Variants in CNTNAP2 observed in about 807,000 individuals in gnomAD.
CNTNAP2 encodes the protein contactin-associated protein-like 2.
Under a neutral mutation model 155.2 loss-of-function variants are expected in CNTNAP2, and 98 were observed. The ratio of observed to expected loss-of-function variants is 0.63; its 90% CI spans 0.54 to 0.75. The LOEUF (loss-of-function observed/expected upper bound fraction) is 0.75. Among genes scored for constraint, CNTNAP2 ranks in the 30% least tolerant of loss-of-function variants. The pLI is 0.00. For missense variants in CNTNAP2, 1,727 were observed against 1,688.1 expected (o/e 1.02, Z -0.40); for synonymous variants, 651 against 631.2 (o/e 1.03, Z -0.47).
chr7:147,885,779 G>A (rs188039007), intron 13 of CNTNAP2, among the ~76,000 whole-genome samples: 4 of 152,206 alleles, frequency 2.6e-5, no homozygotes, highest in African/African-American at 7.2e-5. Context: ...AACACTCACC[G>A]CTCGTTTACC....
chr7:146,461,414 A>T (rs1563092963), intron 1 of CNTNAP2, among the ~76,000 whole-genome samples: 1 of 148,736 alleles, frequency 6.7e-6, no homozygotes, highest in African/African-American at 2.5e-5. Context: ...CAAAAAAAAA[A>T]AATATAATAA....
intron 9 of CNTNAP2, among the ~76,000 whole-genome samples, chr7:147,345,707 A>G (rs536367249): frequency 1.3e-5 from 2 of 152,318 alleles, no homozygotes; most frequent in African/African-American, 2.4e-5. Flanking sequence ...ATTAAAGACA[A>G]TACATGCTTT....
chr7:146,862,223 C>A (rs1220565779), intron 3 of CNTNAP2, among the ~76,000 whole-genome samples: 3 of 152,100 alleles, frequency 2.0e-5, no homozygotes, highest in African/African-American at 7.2e-5. Flanking sequence ...GGTTAAAGTA[C>A]TTAGCGTTTG....
Position 146,688,368 on chromosome 7 carries a change from A to C in CNTNAP2, c.98-85903A>C, listed in dbSNP as rs553893542. ...CATCCATGTGAAGCGACCACCACAC[A>C]GGCTTTGTGTGAGCAATAAAGCTTT... On this transcript the variant is annotated intron_variant, in intron 1 of 23. Coordinates refer to ENST00000361727, the MANE Select transcript of CNTNAP2 (RefSeq NM_014141.6). 3.3e-5 allele frequency among the ~76,000 whole-genome samples: 5 copies of C among 152,262 alleles called. 1 individual carries two copies. The South Asian group carries it at 1.0e-3, about 32-fold the overall frequency.
At chr7:147,519,663 G>A (rs1054115538) in intron 11 of CNTNAP2, among the ~76,000 whole-genome samples, 2 of 152,166 alleles carry the variant, frequency 1.3e-5, no homozygotes, top group African/African-American at 4.8e-5. Flanking sequence ...AGGAGTTGGA[G>A]ACCAGCCTGG....
At chr7:147,009,377 T>C (rs570903700) in intron 3 of CNTNAP2, among the ~76,000 whole-genome samples, 1 of 152,170 alleles carries the variant, frequency 6.6e-6, no homozygotes, top group Non-Finnish European at 1.5e-5. Flanking sequence ...CCATATAATG[T>C]CTAACAAAAT....
At chr7:148,013,651 G>T (rs1348516711) in intron 15 of CNTNAP2, among the ~76,000 whole-genome samples, 1 of 152,190 alleles carries the variant, frequency 6.6e-6, no homozygotes, top group Non-Finnish European at 1.5e-5. Context: ...TTATTGGTGT[G>T]AGGAATAGAA....
chr7:147,303,993 A>T (rs1478465753), intron 9 of CNTNAP2, among the ~76,000 whole-genome samples: 1 of 152,032 alleles, frequency 6.6e-6, no homozygotes, highest in Non-Finnish European at 1.5e-5. Context: ...GCCGTCCTAC[A>T]CTCTGTTTTG....
intron 1 of CNTNAP2, among the ~76,000 whole-genome samples, chr7:146,751,936 C>A (rs1393707139): frequency 6.6e-6 from 1 of 152,092 alleles, no homozygotes; most frequent in Non-Finnish European, 1.5e-5. Flanking sequence ...TCATCCATGT[C>A]TCTTCAAAGG....
chr7:147,802,274 C>T (rs544106229), intron 13 of CNTNAP2, among the ~76,000 whole-genome samples: 5,435 of 147,642 alleles, frequency 0.037, 327 homozygotes, highest in African/African-American at 0.13. Context: ...CGGGCAGAGA[C>T]GCTCCTCACT....
In CNTNAP2 at chr7:147,040,451, ATTTTTTTT is replaced by A. The variant is rs34880534; in HGVS notation, c.403-3436_403-3429del. On this transcript the variant is annotated intron_variant, in intron 3 of 23. Coordinates refer to ENST00000361727, the MANE Select transcript of CNTNAP2 (RefSeq NM_014141.6). ...CTAGCATCATATGGATTAAGAGTGAATTTTTTTTTTTTTTTTTTTTTTTTTTTGAGACA... is the reference window on the plus strand; with the variant it reads ...CTAGCATCATATGGATTAAGAGTGAATTTTTTTTTTTTTTTTTTTGAGACA... Among the ~76,000 whole-genome samples, 242 of 80,862 alleles carry A rather than the reference ATTTTTTTT, an allele frequency of 3.0e-3. 1 individual carries two copies. Among genetic ancestry groups the A allele is most frequent in the African/African-American group, 8.8e-3 (154 of 17,510 alleles). 53.0% of individuals were successfully genotyped at this position (80,862 alleles called of 152,430 possible). A position where few individuals can be genotyped will look rare whatever the true frequency, so the allele number is the denominator to read the frequency against.
intron 11 of CNTNAP2, among the ~76,000 whole-genome samples, chr7:147,513,661 A>G (rs1799060306): frequency 6.6e-6 from 1 of 152,238 alleles, no homozygotes; most frequent in African/African-American, 2.4e-5. Flanking sequence ...CAAAATCATG[A>G]AGCAAGCCAA....
chr7:146,120,348 T>C (rs1438984505), intron 1 of CNTNAP2, among the ~76,000 whole-genome samples: 1 of 152,172 alleles, frequency 6.6e-6, no homozygotes, highest in African/African-American at 2.4e-5. Flanking sequence ...ATGCAACTAA[T>C]AATTATTAAC....
At chr7:146,404,901 C>T (rs772768148) in intron 1 of CNTNAP2, among the ~76,000 whole-genome samples, 28 of 152,032 alleles carry the variant, frequency 1.8e-4, no homozygotes, top group Non-Finnish European at 4.0e-4. Flanking sequence ...ACATTAGTTC[C>T]GGTCTTCTAC....
intron 1 of CNTNAP2, among the ~76,000 whole-genome samples, chr7:146,705,607 A>G (rs1210531272): frequency 1.5e-5 from 2 of 131,928 alleles, no homozygotes; most frequent in African/African-American, 9.1e-5. Context: ...AAGAGGCTTA[A>G]TGGACTCACA....
At chr7:148,126,788 A>G (rs1411688656) in intron 16 of CNTNAP2, among the ~76,000 whole-genome samples, 5 of 152,150 alleles carry the variant, frequency 3.3e-5, no homozygotes, top group African/African-American at 9.7e-5. Flanking sequence ...AGCCGTTTGA[A>G]GACTCTGGAG....
chr7:146,228,609 A>G (rs914639523), intron 1 of CNTNAP2, among the ~76,000 whole-genome samples: 1 of 152,226 alleles, frequency 6.6e-6, no homozygotes, highest in African/African-American at 2.4e-5. Flanking sequence ...TCTATTCAGA[A>G]TGAGTACTAC....
intron 15 of CNTNAP2, among the ~76,000 whole-genome samples, chr7:148,070,503 G>T (rs1378348792): frequency 2.0e-5 from 3 of 152,222 alleles, no homozygotes; most frequent in Non-Finnish European, 2.9e-5. Flanking sequence ...GATCACCTGA[G>T]GTCAGGAGTT....
At chr7:148,012,468 T>C (rs1364628363) in intron 15 of CNTNAP2, among the ~76,000 whole-genome samples, 1 of 152,244 alleles carries the variant, frequency 6.6e-6, no homozygotes, top group Non-Finnish European at 1.5e-5. Context: ...AGGCATAAGT[T>C]CTAGGGATCT....
Sources: gnomAD v4.1 joint callset for allele counts (sites outside exome capture counted in the v4.1 genomes callset) on GRCh38, gnomAD v4.1.1 for gene constraint, MANE v1.5 for transcripts, NCBI Gene and HGNC (gene_info 2026-07-23, HGNC 2026-07-21) for gene names.